RLN2: variants seen among roughly 807,000 people sequenced by gnomAD.
The protein encoded by RLN2 is relaxin 2.
In RLN2, 10 loss-of-function variants were observed where a neutral mutation model predicts 7.3. The ratio of observed to expected loss-of-function variants is 1.36; its 90% CI spans 0.84 to 2.31. The LOEUF is 2.31. Ranked by LOEUF, RLN2 falls within the 30% of genes most tolerant of loss-of-function variation. The probability of loss-of-function intolerance (pLI) is 0.00; values close to 1 mark genes in which losing one functional copy is unlikely to be tolerated. For synonymous variants in RLN2, 103 were observed against 82.3 expected, an observed-to-expected ratio of 1.25 and a Z score of -1.36; for missense variants, 298 against 217.6, an observed-to-expected ratio of 1.37 and a Z score of -2.32.
the RLN2 span, among the ~76,000 whole-genome samples, chr9:5,332,096 A>G: frequency 6.6e-6 from 1 of 151,918 alleles, no homozygotes; most frequent in African/African-American, 2.4e-5. Context: ...TATTGAAATA[A>G]TATTAAGTCA....
At chr9:5,316,107 T>TA in the RLN2 span, among the ~76,000 whole-genome samples, 1 of 152,004 alleles carries the variant, frequency 6.6e-6, no homozygotes, top group Non-Finnish European at 1.5e-5. Flanking sequence ...AGCATGAAGG[T>TA]TAAAAACCAA....
the RLN2 span, among the ~76,000 whole-genome samples, chr9:5,327,716 C>A: frequency 1.3e-5 from 2 of 151,942 alleles, no homozygotes. Context: ...GAGGAAAGAT[C>A]AGGCAGTAAT....
the RLN2 span, among the ~76,000 whole-genome samples, chr9:5,322,109 G>C: frequency 3.9e-5 from 6 of 152,020 alleles, no homozygotes; most frequent in African/African-American, 1.2e-4. Context: ...AGTAGAGCAG[G>C]TAGATTAGGA....
the RLN2 span, among the ~76,000 whole-genome samples, chr9:5,322,498 G>A: frequency 6.6e-6 from 1 of 152,190 alleles, no homozygotes; most frequent in East Asian, 1.9e-4. Context: ...CTGTAGGAAG[G>A]AAAACAGAGA....
At chr9:5,317,447 G>A in the RLN2 span, among the ~76,000 whole-genome samples, 1 of 128,350 alleles carries the variant, frequency 7.8e-6, no homozygotes, top group African/African-American at 3.1e-5. Context: ...GTGAGACTCT[G>A]TCTTAAAAAA....
At chr9:5,316,958 A>G in the RLN2 span, among the ~76,000 whole-genome samples, 2 of 152,076 alleles carry the variant, frequency 1.3e-5, no homozygotes, top group African/African-American at 4.8e-5. Flanking sequence ...GAGGAAGTTT[A>G]AAGTCTAGAG....
the RLN2 span, among the ~76,000 whole-genome samples, chr9:5,328,192 A>G: frequency 6.6e-6 from 1 of 152,076 alleles, no homozygotes; most frequent in Non-Finnish European, 1.5e-5. Flanking sequence ...GCTAACTAGA[A>G]TAAACAGTGT....
At chr9:5,306,053 A>G (rs899595049), upstream of RLN2, among the ~76,000 whole-genome samples, 2 of 151,686 alleles carry the variant, frequency 1.3e-5, no homozygotes, top group African/African-American at 4.9e-5. Context: ...CTGTACTCCA[A>G]AGTAATTGGT....
the RLN2 span, among the ~76,000 whole-genome samples, chr9:5,315,420 C>T: frequency 7.7e-3 from 1,139 of 148,754 alleles, 29 homozygotes; most frequent in African/African-American, 0.027. Context: ...AAAAAAAAAA[C>T]GAAAAGTGTG....
In RLN2 at chr9:5,300,173, T is replaced by A. The variant is rs1827127269; in HGVS notation, c.483A>T (p.Arg161Ser). 2 of 1,613,742 alleles carry A rather than the reference T, an allele frequency of 1.2e-6. No individual in the cohort carries two copies. Among genetic ancestry groups the A allele is most frequent in the Non-Finnish European group, 1.7e-6 (2 of 1,179,880 alleles). Residue 161 changes from arginine (R) to serine (S), a missense_variant, in exon 2 of 2, where the codon AGA (arginine) becomes AGT (serine). Transcript: ENST00000381627. ...TATTAGCCAATGCACTGTAGAGTTG[T>A]CTCTTTTTTCGAGAATGAGTATCCA... ...LGLDTHSRKK[R>S]QLYSALANKC... is the part of the protein sequence containing the mutation.
At chr9:5,313,905 G>A in the RLN2 span, among the ~76,000 whole-genome samples, 2 of 151,966 alleles carry the variant, frequency 1.3e-5, no homozygotes, top group Non-Finnish European at 2.9e-5. Flanking sequence ...GACAACAGAA[G>A]GAAACACCTC....
chr9:5,336,732 T>C, the RLN2 span, among the ~76,000 whole-genome samples: 33 of 152,046 alleles, frequency 2.2e-4, no homozygotes, highest in Non-Finnish European at 3.8e-4. Flanking sequence ...GCTCTTCTTC[T>C]TGGACAGGAA....
chr9:5,312,002 T>A, the RLN2 span, among the ~76,000 whole-genome samples: 3 of 151,956 alleles, frequency 2.0e-5, no homozygotes, highest in East Asian at 5.8e-4. Context: ...TGAACAGAAT[T>A]TTATTTTACT....
chr9:5,337,168 C>A, the RLN2 span, among the ~76,000 whole-genome samples: 1 of 151,820 alleles, frequency 6.6e-6, no homozygotes, highest in Non-Finnish European at 1.5e-5. Context: ...ATTCAATTTC[C>A]TCATAAAAAC....
the RLN2 span, among the ~76,000 whole-genome samples, chr9:5,317,526 C>G: frequency 6.7e-6 from 1 of 149,812 alleles, no homozygotes; most frequent in Admixed American, 6.7e-5. Context: ...AGATATTACA[C>G]CCTATTTCAA....
the RLN2 span, among the ~76,000 whole-genome samples, chr9:5,317,492 C>T: frequency 1.3e-5 from 2 of 149,462 alleles, no homozygotes; most frequent in Non-Finnish European, 3.0e-5. Context: ...GAACGAAGAG[C>T]TCTGAGGGAG....
At chr9:5,331,575 C>T in the RLN2 span, among the ~76,000 whole-genome samples, 1 of 151,084 alleles carries the variant, frequency 6.6e-6, no homozygotes, top group African/African-American at 2.4e-5. Context: ...GAACAGAAAA[C>T]CAAACACTGC....
At chr9:5,327,983 C>A in the RLN2 span, among the ~76,000 whole-genome samples, 3 of 151,806 alleles carry the variant, frequency 2.0e-5, no homozygotes, top group African/African-American at 7.3e-5. Context: ...GCTGAAAATT[C>A]CAAAAAACAG....
chr9:5,337,107 G>A, the RLN2 span, among the ~76,000 whole-genome samples: 8 of 152,000 alleles, frequency 5.3e-5, no homozygotes, highest in Non-Finnish European at 1.5e-5. Flanking sequence ...TATCATTTTT[G>A]GTTAAATGAC....
Sources: allele counts gnomAD v4.1 joint callset (sites outside exome capture counted in the v4.1 genomes callset), GRCh38; gene constraint gnomAD v4.1.1; transcripts MANE v1.5; gene names NCBI Gene and HGNC (gene_info 2026-07-23, HGNC 2026-07-21).